Variants in ZNF254 observed in about 807,000 individuals in gnomAD.
ZNF254 encodes the protein zinc finger protein 254, also known as CTD-2017D11.1.
Under a neutral mutation model 12.4 loss-of-function variants are expected in ZNF254, and 10 were observed. The ratio of observed to expected loss-of-function variants is 0.80; its 90% CI spans 0.50 to 1.36. The LOEUF (loss-of-function observed/expected upper bound fraction) is 1.36, where lower values mean the gene tolerates loss of function less well. ZNF254 is among the 40% of genes most tolerant of loss of function. The pLI is 0.00. For synonymous variants in ZNF254, 305 were observed against 253.4 expected, an observed-to-expected ratio of 1.20 and a Z score of -1.93; for missense variants, 996 against 763.9, an observed-to-expected ratio of 1.30 and a Z score of -3.58.
chr19:24,100,738 A>C (rs1219487865), intron 1 of ZNF254, among the ~76,000 whole-genome samples: 1 of 151,782 alleles, frequency 6.6e-6, no homozygotes, highest in Non-Finnish European at 1.5e-5. Context: ...TCAAAGTGCA[A>C]ATTCCAGGCA....
upstream of ZNF254, among the ~76,000 whole-genome samples, chr19:24,084,392 G>A (rs149208538): frequency 6.6e-6 from 1 of 151,906 alleles, no homozygotes; most frequent in Non-Finnish European, 1.5e-5. Context: ...AATGGACTGT[G>A]GGTACTCAGT....
chr19:24,112,547 G>A (rs1206400666), intron 3 of ZNF254, among the ~76,000 whole-genome samples: 1 of 150,082 alleles, frequency 6.7e-6, no homozygotes, highest in African/African-American at 2.5e-5. Flanking sequence ...GGGCAGTATG[G>A]CCATTTTCAT....
Position 24,127,483 on chromosome 19 carries a change from T to A in ZNF254, c.1483T>A (p.Cys495Ser), listed in dbSNP as rs1406505829. Reference sequence around the variant, plus strand: ...AGAGAAACCCTACAAATGTGAAGAATGTGGCAAATCTTTTAGCCAATCCTC... The same window carrying A: ...AGAGAAACCCTACAAATGTGAAGAAAGTGGCAAATCTTTTAGCCAATCCTC... ...TGEKPYKCEE[C>S]GKSFSQSSTL... Residue 495 changes from cysteine (C) to serine (S), a missense_variant, in exon 4 of 4, where the codon TGT (cysteine) becomes AGT (serine). Physicochemically the swap from Cys to Ser is moderately radical, Grantham distance 112. Transcript: ENST00000357002. 2.5e-6 allele frequency: 4 copies of A among 1,613,448 alleles called. No homozygotes were observed. The highest frequency in any genetic ancestry group is 1.7e-6 in the Non-Finnish European group (2 of 1,179,842).
At chr19:24,093,709 A>G (rs913304823) in intron 1 of ZNF254, among the ~76,000 whole-genome samples, 3 of 152,188 alleles carry the variant, frequency 2.0e-5, no homozygotes, top group Non-Finnish European at 4.4e-5. Context: ...TAATTTGAAG[A>G]CAGGTAATGT....
At chr19:24,080,868 G>A (rs938888708) in intron 2 of ZNF254, among the ~76,000 whole-genome samples, 8 of 151,168 alleles carry the variant, frequency 5.3e-5, no homozygotes, top group African/African-American at 1.2e-4. Context: ...GTGGGTGGTC[G>A]GGAGTTCGAG....
chr19:24,115,395 AATC>A (rs1286860197), intron 3 of ZNF254, among the ~76,000 whole-genome samples: 2 of 152,160 alleles, frequency 1.3e-5, no homozygotes, highest in African/African-American at 2.4e-5. Context: ...TGAAATTGGA[AATC>A]ATCATTCTCA....
At chr19:24,113,420 A>G (rs1397099510) in intron 3 of ZNF254, among the ~76,000 whole-genome samples, 15 of 152,226 alleles carry the variant, frequency 9.9e-5, no homozygotes, top group Admixed American at 7.9e-4. Context: ...TATAAACAGA[A>G]CCAAAGACAA....
upstream of ZNF254, among the ~76,000 whole-genome samples, chr19:24,082,477 T>C (rs959300827): frequency 3.1e-5 from 1 of 32,012 alleles, no homozygotes. Flanking sequence ...CAACCCCATC[T>C]ATACTAAAAA....
intron 1 of ZNF254, among the ~76,000 whole-genome samples, chr19:24,100,454 C>T (rs1378040417): frequency 2.0e-5 from 3 of 151,046 alleles, no homozygotes; most frequent in Non-Finnish European, 4.4e-5. Context: ...TTATAAAACT[C>T]AGAGAGACAT....
At position 24,126,902 on chromosome 19, in the gene ZNF254, A is replaced by T; in HGVS notation, c.902A>T (p.Lys301Ile). ...CCTTACAAGTGTGAAGAATGTGGCA[A>T]AGCATTTATCTGGTCCTCAACCCTT... ...EKPYKCEECG[K>I]AFIWSSTLTE... Residue 301 changes from lysine (K) to isoleucine (I), a missense_variant, in exon 4 of 4, where the codon AAA becomes ATA. Coordinates refer to ENST00000357002, the MANE Select transcript of ZNF254 (RefSeq NM_203282.4). 1 of 1,613,624 alleles carries T rather than the reference A, an allele frequency of 6.2e-7. No individual in the cohort carries two copies. Among genetic ancestry groups the T allele is most frequent in the South Asian group, 1.1e-5 (1 of 91,066 alleles).
In ZNF254 at chr19:24,115,978, A is replaced by G. The variant is rs558051821; in HGVS notation, c.253+9335A>G. ...GAAGCTTAGTTTGGCTGGATATGAA[A>G]TTCTGTGTTGAAAATTCTTTTCTTT... On this transcript the variant is annotated intron_variant, in intron 3 of 3. Transcript: ENST00000357002. 1.3e-4 allele frequency among the ~76,000 whole-genome samples: 20 copies of G among 152,274 alleles called. No homozygotes were observed. The South Asian group carries it at 4.1e-3, about 32-fold the overall frequency.
At chr19:24,085,421 T>C (rs1431145803), upstream of ZNF254, among the ~76,000 whole-genome samples, 1 of 132,634 alleles carries the variant, frequency 7.5e-6, no homozygotes, top group African/African-American at 2.8e-5. Flanking sequence ...TATATATATA[T>C]ATATAAAAAC....
chr19:24,034,540 C>G lies in ZNF254; in HGVS notation c.-190+919C>G, dbSNP rs182405884. Among the ~76,000 whole-genome samples, 7 of 137,880 alleles carry G rather than the reference C, an allele frequency of 5.1e-5. No individual in the cohort carries two copies. The East Asian group carries it at 1.5e-3, about 30-fold the overall frequency. The allele number at this position is 137,880 out of a possible 152,430, so 90.5% of individuals were successfully genotyped here. On this transcript the variant is annotated intron_variant, in intron 1 of 4. Transcript: ENST00000613065. ...TGTGCCAGAGTCTCATTCTGTCACC[C>G]AGGCTGTAGTACAGTGGCACGATCT... is the stretch of plus-strand genomic sequence containing the variant.
At chr19:24,059,909 A>G (rs556398443) in intron 2 of ZNF254, among the ~76,000 whole-genome samples, 7 of 151,772 alleles carry the variant, frequency 4.6e-5, no homozygotes, top group Admixed American at 4.6e-4. Flanking sequence ...GGCCCTGCCC[A>G]CAGGAGGCTT....
At chr19:24,117,846 G>A (rs1170947692) in intron 3 of ZNF254, among the ~76,000 whole-genome samples, 1 of 151,642 alleles carries the variant, frequency 6.6e-6, no homozygotes, top group East Asian at 1.9e-4. Flanking sequence ...GGCTGCTCAA[G>A]ATTTTTTTTT....
chr19:24,049,216 T>TATA (rs1568426573), intron 2 of ZNF254, among the ~76,000 whole-genome samples: 364 of 37,590 alleles, frequency 9.7e-3, no homozygotes, highest in Middle Eastern at 0.028. Context: ...ATATATATAT[T>TATA]TTTTTTTTTT....
At chr19:24,082,128 G>GA (rs552910479) in intron 2 of ZNF254, among the ~76,000 whole-genome samples, 198 of 112,116 alleles carry the variant, frequency 1.8e-3, no homozygotes, top group East Asian at 0.017. Flanking sequence ...TGCCTCAAAA[G>GA]AAAAAAAAAA....
chr19:24,074,049 CAT>C (rs1198291545), intron 2 of ZNF254, among the ~76,000 whole-genome samples: 2 of 152,182 alleles, frequency 1.3e-5, no homozygotes, highest in Non-Finnish European at 2.9e-5. Flanking sequence ...GGCATTGAGA[CAT>C]ATGGCTGAGC....
intron 3 of ZNF254, 47 bp from the exon 4 acceptor site, chr19:24,126,207 T>G (rs1191924711): frequency 2.3e-5 from 29 of 1,258,344 alleles, no homozygotes; most frequent in Admixed American, 3.4e-5. Context: ...TATATTCATG[T>G]GAGTCTAGTA....
Sources: gnomAD v4.1 joint callset for allele counts (sites outside exome capture counted in the v4.1 genomes callset) on GRCh38, gnomAD v4.1.1 for gene constraint, MANE v1.5 for transcripts, NCBI Gene and HGNC (gene_info 2026-07-23, HGNC 2026-07-21) for gene names.